The following CLUH variants were observed in gnomAD, a reference collection of about 807,000 sequenced individuals.
CLUH encodes the protein clustered mitochondria protein homolog.
In CLUH, 77 loss-of-function variants were observed where a neutral mutation model predicts 139.3. That is an observed-to-expected ratio of 0.55 (90% confidence interval 0.46 to 0.67). CLUH has a LOEUF of 0.67. Ranked by LOEUF, CLUH falls within the 30% of genes least tolerant of loss-of-function variation. CLUH has a pLI of 0.00. For missense variants in CLUH, 1,876 were observed against 1,875.8 expected, an observed-to-expected ratio of 1.00 and a Z score of 0.00; for synonymous variants, 999 against 801.6, an observed-to-expected ratio of 1.25 and a Z score of -4.16.
chr17:2,696,557 A>G lies in CLUH; in HGVS notation c.2186-19T>C. 6.4e-7 allele frequency: 1 copy of G among 1,554,748 alleles called. No homozygotes were observed. Among genetic ancestry groups the G allele is most frequent in the Non-Finnish European group, 8.7e-7 (1 of 1,153,720 alleles). On this transcript the variant is annotated intron_variant, in intron 11 of 25. Transcript: ENST00000651024. ...GGGTCTGCTGTGGAGACATGGCTCC[A>G]TGAGACACGGGTCCCCTCTGCCACC...
chr17:2,697,611 G>A (rs2070005738), intron 10 of CLUH, among the ~76,000 whole-genome samples: 1 of 152,120 alleles, frequency 6.6e-6, no homozygotes, highest in Non-Finnish European at 1.5e-5. Context: ...GCCCCAGCAC[G>A]GGGACAGTCA....
Position 2,703,952 on chromosome 17 carries a change from G to A in CLUH, c.303+410C>T, listed in dbSNP as rs1462283338. On this transcript the variant is annotated intron_variant, in intron 2 of 25. Transcript: ENST00000651024. This position sits in a 1 kb window ranked among gnomAD's most constrained non-coding sequence, Gnocchi z 4.2. ...CTGTCTCGTTCCCCACTGAGTCACC[G>A]GCTTGCAAGACCTCCACGCTGGCTC... 3.3e-5 allele frequency among the ~76,000 whole-genome samples: 5 copies of A among 152,172 alleles called. No individual in the cohort carries two copies. Among genetic ancestry groups the A allele is most frequent in the South Asian group, 4.1e-4 (2 of 4,828 alleles).
At position 2,695,796 on chromosome 17, in the gene CLUH, G is replaced by A. The variant is rs2151701859; in HGVS notation, c.2392-270C>T. 1.4e-5 allele frequency: 8 copies of A among 584,086 alleles called. No individual in the cohort carries two copies. The South Asian group carries it at 1.7e-4, about 13-fold the overall frequency. The allele number at this position is 584,086 out of a possible 1,614,324, so 36.2% of individuals were successfully genotyped here. On this transcript the variant is annotated intron_variant, in intron 13 of 25. Transcript: ENST00000651024. ...TACTTGACCCCCAGCCCCGTGTCCT[G>A]AGGCTTGGAGGCCACGGTGTTGGGG...
At chr17:2,696,111 C>G in intron 13 of CLUH, 48 bp downstream of exon 13, 2 of 1,440,774 alleles carry the variant, frequency 1.4e-6, no homozygotes, top group Non-Finnish European at 1.9e-6. Flanking sequence ...GATGAGGGAC[C>G]AGCACCCTCC....
At chr17:2,708,692 G>A (rs190225009) in intron 1 of CLUH, among the ~76,000 whole-genome samples, 5 of 150,918 alleles carry the variant, frequency 3.3e-5, no homozygotes. Flanking sequence ...CACTGAGCGC[G>A]GGCTACCCAC....
rs558615624 is a variant in CLUH at position 2,707,772 on chromosome 17, C to T, written c.101-3208G>A. 66 of 985,466 alleles carry T rather than the reference C, an allele frequency of 6.7e-5. No individual in the cohort carries two copies. In the African/African-American group the frequency reaches 9.9e-4, roughly 15 times the overall value. The allele number at this position is 985,466 out of a possible 1,614,324, so 61.0% of individuals were successfully genotyped here. ...GCTGCCTCTGCCCACCAGTCCCAGA[C>T]ACTGAGCACCCCACTGTCCCTGGGC... On this transcript the variant is annotated intron_variant, in intron 1 of 25. Coordinates refer to ENST00000651024, the MANE Select transcript of CLUH (RefSeq NM_001366661.1). This position sits in a 1 kb window ranked among gnomAD's most constrained non-coding sequence, Gnocchi z 7.4.
Position 2,692,401 on chromosome 17 carries a change from T to C in CLUH, c.3520A>G (p.Thr1174Ala). 6.3e-7 allele frequency: 1 copy of C among 1,596,578 alleles called. No homozygotes were observed. ...AGGGCCTTGGGCCCGTGGTACTTGG[T>C]GCTGACGGCCAGCGCGTTCTCCAGG... ...RFLENALAVS[T>A]KYHGPKALKV... Residue 1174 changes from threonine (T) to alanine (A), a missense_variant, in exon 22 of 26, where the codon ACC (threonine) becomes GCC (alanine). By Grantham distance (58) the Thr-to-Ala change is moderately conservative. This residue lies in a region of CLUH where 1,454 missense variants were observed against 1,384.4 expected (regional missense o/e 1.05). Coordinates refer to ENST00000651024, the MANE Select transcript of CLUH (RefSeq NM_001366661.1).
intron 1 of CLUH, chr17:2,708,030 G>A: frequency 1.0e-6 from 1 of 982,832 alleles, no homozygotes; most frequent in Non-Finnish European, 1.2e-6. Context: ...GTCTCTCCCA[G>A]GGGAGAACAG....
chr17:2,710,036 C>A (rs1394288898), intron 1 of CLUH, among the ~76,000 whole-genome samples: 7 of 151,832 alleles, frequency 4.6e-5, no homozygotes, highest in Non-Finnish European at 7.4e-5. Context: ...CGCTCGTCAG[C>A]CCCCTAGTTC....
intron 25 of CLUH, among the ~76,000 whole-genome samples, chr17:2,691,321 TGAGAG>T (rs2069620606): frequency 6.6e-6 from 1 of 151,880 alleles, no homozygotes; most frequent in Non-Finnish European, 1.5e-5. Context: ...CCCAGCACTC[TGAGAG>T]GCCGAGGCGG....
intron 19 of CLUH, 146 bp downstream of exon 19, chr17:2,693,754 A>T: frequency 1.9e-6 from 2 of 1,048,092 alleles, no homozygotes; most frequent in Non-Finnish European, 2.7e-6. Flanking sequence ...ACACAGTTAC[A>T]GAGGGGTGGA....
chr17:2,691,979 C>CCCCCGCCCCCGCCCCGCCCCCG (rs752951929), intron 23 of CLUH, 25 bp downstream of exon 23: 7 of 710,014 alleles, frequency 9.9e-6, no homozygotes, highest in African/African-American at 6.7e-5. Flanking sequence ...CCCGCCCCCG[C>CCCCCGCCCCCGCCCCGCCCCCG]CCCCGCCACG....
intron 1 of CLUH, among the ~76,000 whole-genome samples, chr17:2,705,459 A>G: frequency 6.6e-6 from 1 of 151,990 alleles, no homozygotes; most frequent in East Asian, 1.9e-4. Context: ...CACACCATGC[A>G]AGCCTGGTAC....
At chr17:2,699,492 A>T (rs1289601098) in intron 9 of CLUH, among the ~76,000 whole-genome samples, 1 of 151,820 alleles carries the variant, frequency 6.6e-6, no homozygotes, top group Non-Finnish European at 1.5e-5. Context: ...ATGCCTGGCT[A>T]ATCTTTTGTA....
chr17:2,695,733 A>C, intron 13 of CLUH: 3 of 660,642 alleles, frequency 4.5e-6, no homozygotes, highest in Non-Finnish European at 7.6e-6. Context: ...GCCCCCTCTA[A>C]CCATGTGGGA....
Position 2,703,868 on chromosome 17 carries a change from C to A in CLUH, c.304-379G>T, listed in dbSNP as rs138987125. On this transcript the variant is annotated intron_variant, in intron 2 of 25. Coordinates refer to ENST00000651024, the MANE Select transcript of CLUH (RefSeq NM_001366661.1). The surrounding 1 kb of genome is among the most constrained non-coding windows in gnomAD (Gnocchi z 4.2). ...AAGGTGCCTGGGGCAAATGGCTTTCCCCTTCCAGAAGGGGTGCTCTGGGGC... is the reference window on the plus strand; with the variant it reads ...AAGGTGCCTGGGGCAAATGGCTTTCACCTTCCAGAAGGGGTGCTCTGGGGC... 6.6e-6 allele frequency among the ~76,000 whole-genome samples: 1 copy of A among 152,170 alleles called. No homozygotes were observed. Among genetic ancestry groups the A allele is most frequent in the Admixed American group, 6.5e-5 (1 of 15,282 alleles).
At chr17:2,694,822 T>TACCCCCC in intron 16 of CLUH, 35 bp downstream of exon 16, 41 of 1,346,328 alleles carry the variant, frequency 3.0e-5, no homozygotes, top group Non-Finnish European at 3.9e-5. Context: ...ATCTGCCCAA[T>TACCCCCC]CCCACCCACC....
intron 21 of CLUH, 23 bp from the exon 22 acceptor site, chr17:2,692,505 C>A: frequency 6.3e-7 from 1 of 1,597,184 alleles, no homozygotes; most frequent in Middle Eastern, 1.7e-4. Flanking sequence ...GGTGGGGGGC[C>A]CTGGTCAGCT....
chr17:2,694,824 C>A, intron 16 of CLUH, 33 bp downstream of exon 16: 2 of 1,420,034 alleles, frequency 1.4e-6, no homozygotes, highest in Non-Finnish European at 9.4e-7. Flanking sequence ...CTGCCCAATC[C>A]CACCCACCCC....
Sources: gnomAD v4.1 joint callset for allele counts (sites outside exome capture counted in the v4.1 genomes callset) on GRCh38, gnomAD v4.1.1 for gene constraint, gnomAD v4.1.1 regional missense constraint, Gnocchi (gnomAD v3.1) non-coding constraint, MANE v1.5 for transcripts, NCBI Gene and HGNC (gene_info 2026-07-23, HGNC 2026-07-21) for gene names.